The following CSMD1 variants were observed in gnomAD, a reference collection of about 807,000 sequenced individuals.
The protein encoded by CSMD1 is CUB and Sushi multiple domains 1, also known as CUB and sushi domain-containing protein 1.
In CSMD1, 213 loss-of-function variants were observed where a neutral mutation model predicts 417.5. The observed-to-expected ratio is 0.51, with a 90% CI of 0.46 to 0.57. The LOEUF (loss-of-function observed/expected upper bound fraction) is 0.57, where lower values mean the gene tolerates loss of function less well. Among genes scored for constraint, CSMD1 ranks in the 20% least tolerant of loss-of-function variants. CSMD1 has a pLI of 0.00. For synonymous variants in CSMD1, 2,862 were observed against 1,736.8 expected (o/e 1.65, Z -16.11); for missense variants, 6,923 against 4,529.7 (o/e 1.53, Z -15.17).
At position 4,838,654 on chromosome 8, in the gene CSMD1, G is replaced by A. The variant is rs372788858; in HGVS notation, c.85+155678C>T. On this transcript the variant is annotated intron_variant, in intron 1 of 69. Coordinates refer to ENST00000635120, the MANE Select transcript of CSMD1 (RefSeq NM_033225.6). ...GCAAAACAATAGCTCTATTGCAGAC[G>A]CGGAGGTGGGATGAGAAGCATTTAT... is the stretch of plus-strand genomic sequence containing the variant. Among the ~76,000 whole-genome samples, 10 of 152,296 alleles carry A rather than the reference G, an allele frequency of 6.6e-5. No individual in the cohort carries two copies. The South Asian group carries it at 1.2e-3, about 19-fold the overall frequency.
intron 3 of CSMD1, among the ~76,000 whole-genome samples, chr8:4,335,461 G>A (rs752550946): frequency 7.2e-5 from 11 of 151,916 alleles, no homozygotes; most frequent in Admixed American, 5.3e-4. Context: ...TTTAAATCAG[G>A]GAATTTATAT....
chr8:4,983,362 G>A (rs937546821), intron 1 of CSMD1, among the ~76,000 whole-genome samples: 33 of 152,140 alleles, frequency 2.2e-4, no homozygotes, highest in African/African-American at 8.0e-4. Context: ...ATATTACATA[G>A]ACTGAGAACA....
At chr8:3,772,171 T>TAC (rs1413769558) in intron 5 of CSMD1, among the ~76,000 whole-genome samples, 19 of 61,842 alleles carry the variant, frequency 3.1e-4, no homozygotes, top group Non-Finnish European at 5.7e-4. Context: ...GGGCAACATA[T>TAC]ATATATATAT....
intron 26 of CSMD1, among the ~76,000 whole-genome samples, chr8:3,264,677 TAA>T (rs926176639): frequency 5.9e-5 from 9 of 152,138 alleles, no homozygotes; most frequent in African/African-American, 2.2e-4. Context: ...TGTGGGGTCG[TAA>T]AAAGAGTATT....
At chr8:3,511,875 A>G in intron 10 of CSMD1, among the ~76,000 whole-genome samples, 1 of 150,804 alleles carries the variant, frequency 6.6e-6, no homozygotes, top group South Asian at 2.1e-4. Context: ...ATTTATCGCC[A>G]CAGAATTTGC....
chr8:4,352,040 G>A (rs1443703699), intron 3 of CSMD1, among the ~76,000 whole-genome samples: 1 of 149,046 alleles, frequency 6.7e-6, no homozygotes, highest in Non-Finnish European at 1.5e-5. Flanking sequence ...AGTTCATTGT[G>A]TCCCAGTGTG....
At position 4,160,343 on chromosome 8, in the gene CSMD1, T is replaced by C. The variant is rs368602609; in HGVS notation, c.416-128244A>G. On this transcript the variant is annotated intron_variant, in intron 3 of 69. Coordinates refer to ENST00000635120, the MANE Select transcript of CSMD1 (RefSeq NM_033225.6). ...AAAATAAAATAATGATTGAAAACCATTTTTTGTAAAGTAATGAAGCCAACT... is the reference window on the plus strand; with the variant it reads ...AAAATAAAATAATGATTGAAAACCACTTTTTGTAAAGTAATGAAGCCAACT... 2.6e-5 allele frequency among the ~76,000 whole-genome samples: 4 copies of C among 152,158 alleles called. No individual in the cohort carries two copies. In the South Asian group the frequency reaches 8.3e-4, roughly 31 times the overall value.
At chr8:3,692,498 C>A (rs996259990) in intron 7 of CSMD1, among the ~76,000 whole-genome samples, 3 of 140,382 alleles carry the variant, frequency 2.1e-5, no homozygotes, top group Admixed American at 6.8e-5. Flanking sequence ...CTGGAGTGCA[C>A]TGGCGCGATA....
intron 2 of CSMD1, among the ~76,000 whole-genome samples, chr8:4,521,183 A>G (rs951354628): frequency 3.3e-5 from 5 of 152,184 alleles, no homozygotes; most frequent in Admixed American, 2.0e-4. Flanking sequence ...AAATATATAC[A>G]TTAAAAATTG....
At chr8:3,832,612 T>C (rs921358126) in intron 5 of CSMD1, among the ~76,000 whole-genome samples, 7 of 152,180 alleles carry the variant, frequency 4.6e-5, no homozygotes, top group African/African-American at 9.6e-5. Context: ...AATGATGGCA[T>C]GGGTTCTTGA....
At chr8:3,631,502 G>A (rs1424373556) in intron 7 of CSMD1, among the ~76,000 whole-genome samples, 1 of 152,192 alleles carries the variant, frequency 6.6e-6, no homozygotes, top group East Asian at 1.9e-4. Context: ...GATAGGCCGG[G>A]AATAGCTTAG....
chr8:2,971,513 T>C (rs900204410), intron 57 of CSMD1, among the ~76,000 whole-genome samples: 11 of 152,172 alleles, frequency 7.2e-5, no homozygotes, highest in African/African-American at 1.4e-4. Flanking sequence ...GGCAATACCA[T>C]AGAAATGACA....
intron 53 of CSMD1, among the ~76,000 whole-genome samples, chr8:2,998,956 T>A (rs959307338): frequency 2.0e-5 from 3 of 152,194 alleles, no homozygotes; most frequent in Non-Finnish European, 1.5e-5. Flanking sequence ...TTGTCACTGT[T>A]TTATCCACAT....
At position 3,387,584 on chromosome 8, in the gene CSMD1, T is replaced by C; in HGVS notation, c.2692A>G (p.Ser898Gly). ...DFGIRSTVTF[S>G]CDPGYTLSDD... ...CTTAGTGTGTACCCCGGGTCACAGCTGAAAGTCACTGTGGACCTGATGCCA... is the reference window on the plus strand; with the variant it reads ...CTTAGTGTGTACCCCGGGTCACAGCCGAAAGTCACTGTGGACCTGATGCCA... Residue 898 changes from serine (S) to glycine (G), a missense_variant, in exon 18 of 70, where the codon AGC (serine) becomes GGC (glycine). Ser to Gly is a moderately conservative substitution (Grantham distance 56, BLOSUM62 0). Coordinates refer to ENST00000635120, the MANE Select transcript of CSMD1 (RefSeq NM_033225.6). The C allele has an allele frequency of 2.5e-6, 4 of 1,600,768 alleles. No homozygotes were observed. The highest frequency in any genetic ancestry group is 3.4e-6 in the Non-Finnish European group (4 of 1,173,614).
chr8:4,220,451 C>T (rs997726796), intron 3 of CSMD1, among the ~76,000 whole-genome samples: 3 of 152,156 alleles, frequency 2.0e-5, no homozygotes, highest in Non-Finnish European at 4.4e-5. Context: ...GAGGTCAGGG[C>T]AGTGAGAAGA....
intron 8 of CSMD1, among the ~76,000 whole-genome samples, chr8:3,589,208 T>C (rs1273426772): frequency 6.6e-6 from 1 of 152,124 alleles, no homozygotes; most frequent in Non-Finnish European, 1.5e-5. Context: ...AAAATAGAAC[T>C]ACTACATGAT....
chr8:4,958,395 T>C (rs1809261971), intron 1 of CSMD1, among the ~76,000 whole-genome samples: 1 of 152,158 alleles, frequency 6.6e-6, no homozygotes, highest in South Asian at 2.1e-4. Context: ...TTTTAAGCAA[T>C]TGACATTTCT....
At chr8:4,015,144 A>G (rs934476829) in intron 4 of CSMD1, among the ~76,000 whole-genome samples, 27 of 152,222 alleles carry the variant, frequency 1.8e-4, no homozygotes, top group Admixed American at 1.6e-3. Context: ...AAAAAATTGA[A>G]AGCTAGGTTT....
intron 7 of CSMD1, among the ~76,000 whole-genome samples, chr8:3,693,169 G>A (rs1800348961): frequency 2.0e-5 from 3 of 152,154 alleles, no homozygotes. Flanking sequence ...GCTATAGTGA[G>A]TAAAATTGGT....
Sources: allele counts gnomAD v4.1 joint callset (sites outside exome capture counted in the v4.1 genomes callset), GRCh38; gene constraint gnomAD v4.1.1; transcripts MANE v1.5; gene names NCBI Gene and HGNC (gene_info 2026-07-23, HGNC 2026-07-21).